Variants in EPHA6 observed in about 807,000 individuals in gnomAD.
EPHA6 encodes the protein ephrin type-A receptor 6.
A neutral mutation model predicts 112.0 loss-of-function variants in EPHA6; 50 were observed. The ratio of observed to expected loss-of-function variants is 0.45; its 90% CI spans 0.36 to 0.56. The LOEUF is 0.56. Among genes scored for constraint, EPHA6 ranks in the 20% least tolerant of loss-of-function variants. EPHA6 has a pLI of 0.00. For missense variants in EPHA6, 1,280 were observed against 1,417.4 expected, an observed-to-expected ratio of 0.90 and a Z score of 1.56; for synonymous variants, 529 against 490.7, an observed-to-expected ratio of 1.08 and a Z score of -1.03.
intron 5 of EPHA6, among the ~76,000 whole-genome samples, chr3:97,262,260 T>C (rs1412274332): frequency 6.6e-6 from 1 of 152,092 alleles, no homozygotes; most frequent in Admixed American, 6.6e-5. Context: ...AGGCTATAAA[T>C]TGAAGGAGGA....
intron 3 of EPHA6, among the ~76,000 whole-genome samples, chr3:97,129,956 G>C (rs2108324151): frequency 6.6e-6 from 1 of 152,214 alleles, no homozygotes; most frequent in Non-Finnish European, 1.5e-5. Flanking sequence ...TGCTACATTT[G>C]GGTTCTTGAG....
intron 2 of EPHA6, among the ~76,000 whole-genome samples, chr3:96,889,286 A>G (rs1311661882): frequency 6.6e-6 from 1 of 152,014 alleles, no homozygotes; most frequent in African/African-American, 2.4e-5. Context: ...TTGCTTCCAC[A>G]TTTTTGGGTA....
intron 5 of EPHA6, among the ~76,000 whole-genome samples, chr3:97,291,695 C>T (rs2080689951): frequency 6.6e-6 from 1 of 152,094 alleles, no homozygotes; most frequent in Admixed American, 6.5e-5. Flanking sequence ...TATCTGAGTC[C>T]TCCAGTGTGG....
chr3:97,722,695 CAAGAG>C (rs1041098089), intron 15 of EPHA6, among the ~76,000 whole-genome samples: 2 of 151,528 alleles, frequency 1.3e-5, no homozygotes, highest in Non-Finnish European at 2.9e-5. Flanking sequence ...GGGAAAAAAG[CAAGAG>C]AAGAGGATAA....
rs527844249 is a variant in EPHA6, at chr3:97,243,685, C to T, written c.1271-267C>T. Among the ~76,000 whole-genome samples, 5 of 151,282 alleles carry T rather than the reference C, an allele frequency of 3.3e-5. No individual in the cohort carries two copies. The South Asian group carries it at 1.0e-3, about 32-fold the overall frequency. On this transcript the variant is annotated intron_variant, in intron 4 of 17. Transcript: ENST00000389672. ...AGTCAAGTTTAAAAGGTGTAATTAC[C>T]ATATGTTTTACAGATATCCTGATTT...
At chr3:97,345,670 T>A (rs2083499127) in intron 5 of EPHA6, among the ~76,000 whole-genome samples, 1 of 152,176 alleles carries the variant, frequency 6.6e-6, no homozygotes, top group Non-Finnish European at 1.5e-5. Context: ...ATTGGATATC[T>A]ATTTTGAGAT....
chr3:97,029,632 G>A (rs886243805), intron 3 of EPHA6, among the ~76,000 whole-genome samples: 4 of 152,016 alleles, frequency 2.6e-5, no homozygotes, highest in African/African-American at 4.8e-5. Context: ...GAAATTAATG[G>A]GGGTGATAGT....
chr3:97,034,540 G>A (rs1576362752), intron 3 of EPHA6, among the ~76,000 whole-genome samples: 1 of 151,834 alleles, frequency 6.6e-6, no homozygotes, highest in Non-Finnish European at 1.5e-5. Flanking sequence ...TTTGAAGGTT[G>A]TATCCCTTGC....
intron 16 of EPHA6, among the ~76,000 whole-genome samples, chr3:97,736,864 A>G (rs147357985): frequency 6.6e-6 from 1 of 152,072 alleles, no homozygotes; most frequent in African/African-American, 2.4e-5. Context: ...CTTTATTTAG[A>G]AAAAGTTGGA....
intron 3 of EPHA6, among the ~76,000 whole-genome samples, chr3:97,080,158 A>G (rs1337479752): frequency 1.3e-5 from 2 of 152,090 alleles, no homozygotes; most frequent in South Asian, 2.1e-4. Flanking sequence ...GATAATAACA[A>G]TGTTCCAATG....
Position 97,750,035 on chromosome 3 carries a change from TTAAGC to T in EPHA6, c.*1336_*1340del, listed in dbSNP as rs1213101040. Reference sequence around the variant, plus strand: ...AAGGTAAATATATATTTTAAGTGATTTAAGCTGAGTTGGCTTATCAAAATTGTGCT... The same window carrying T: ...AAGGTAAATATATATTTTAAGTGATTTGAGTTGGCTTATCAAAATTGTGCT... On this transcript the variant is annotated 3_prime_UTR_variant, in exon 18 of 18. Transcript: ENST00000389672. Among the ~76,000 whole-genome samples, 1 of 152,164 alleles carries T rather than the reference TTAAGC, an allele frequency of 6.6e-6. No individual in the cohort carries two copies. The highest frequency in any genetic ancestry group is 1.5e-5 in the Non-Finnish European group (1 of 68,024).
intron 2 of EPHA6, among the ~76,000 whole-genome samples, chr3:96,945,650 G>A (rs879617511): frequency 2.6e-5 from 4 of 151,938 alleles, no homozygotes; most frequent in African/African-American, 4.8e-5. Flanking sequence ...TAATTTTAAA[G>A]CATTTAGTGC....
chr3:97,014,040 T>C (rs1342009875), intron 3 of EPHA6, among the ~76,000 whole-genome samples: 2 of 152,164 alleles, frequency 1.3e-5, no homozygotes, highest in Non-Finnish European at 2.9e-5. Flanking sequence ...GAATATTTTA[T>C]CATTATATTT....
At chr3:97,727,685 C>T (rs1260966167) in intron 15 of EPHA6, among the ~76,000 whole-genome samples, 1 of 152,008 alleles carries the variant, frequency 6.6e-6, no homozygotes, top group East Asian at 1.9e-4. Flanking sequence ...GGAATTTTTA[C>T]ATTTATTTGA....
intron 10 of EPHA6, among the ~76,000 whole-genome samples, chr3:97,487,005 C>A (rs1027581379): frequency 2.0e-5 from 3 of 152,022 alleles, no homozygotes; most frequent in African/African-American, 7.2e-5. Context: ...GTTAGGTAGT[C>A]CCCTTGGAAA....
chr3:97,259,444 C>G (rs1209339038), intron 5 of EPHA6, among the ~76,000 whole-genome samples: 1 of 151,964 alleles, frequency 6.6e-6, no homozygotes, highest in South Asian at 2.1e-4. Flanking sequence ...TAGGTGTATT[C>G]TTCATTTCAT....
At chr3:97,603,906 C>A (rs2093661026) in intron 12 of EPHA6, among the ~76,000 whole-genome samples, 1 of 151,802 alleles carries the variant, frequency 6.6e-6, no homozygotes, top group Non-Finnish European at 1.5e-5. Context: ...AGTCATTTTA[C>A]TAATGAACCT....
intron 3 of EPHA6, among the ~76,000 whole-genome samples, chr3:97,072,840 T>A (rs916697688): frequency 7.2e-5 from 11 of 152,158 alleles, no homozygotes; most frequent in Non-Finnish European, 1.5e-4. Flanking sequence ...TTGACTGTTA[T>A]CAGTTCCTTC....
rs1238327772 is a variant in EPHA6, at chr3:97,753,054, A to C, written c.*4353A>C. Among the ~76,000 whole-genome samples the C allele has an allele frequency of 6.6e-6, 1 of 152,196 alleles. No individual in the cohort carries two copies. Among genetic ancestry groups the C allele is most frequent in the Non-Finnish European group, 1.5e-5 (1 of 68,012 alleles). ...GTTAAATGGATGGTATTCTTCCACCAGAATATAAGATACTTAAGTCACCTA... is the reference window on the plus strand; with the variant it reads ...GTTAAATGGATGGTATTCTTCCACCCGAATATAAGATACTTAAGTCACCTA... On this transcript the variant is annotated 3_prime_UTR_variant, in exon 18 of 18. Coordinates refer to ENST00000389672, the MANE Select transcript of EPHA6 (RefSeq NM_001080448.3).
Sources: gnomAD v4.1 joint callset for allele counts (sites outside exome capture counted in the v4.1 genomes callset) on GRCh38, gnomAD v4.1.1 for gene constraint, MANE v1.5 for transcripts, NCBI Gene and HGNC (gene_info 2026-07-23, HGNC 2026-07-21) for gene names.